Variants in DAAM1 observed in about 807,000 individuals in gnomAD.
DAAM1 encodes disheveled-associated activator of morphogenesis 1.
Under a neutral mutation model 130.0 loss-of-function variants are expected in DAAM1, and 52 were observed. That is an observed-to-expected ratio of 0.40 (90% CI 0.32 to 0.50). DAAM1 has a LOEUF of 0.50. DAAM1 is among the 20% of genes least tolerant of loss of function. The pLI is 0.61. For missense variants in DAAM1, 1,134 were observed against 1,303.8 expected (o/e 0.87, Z 2.01); for synonymous variants, 452 against 444.5 (o/e 1.02, Z -0.21).
chr14:59,283,195 A>G (rs1883296245), intron 2 of DAAM1, among the ~76,000 whole-genome samples: 1 of 152,142 alleles, frequency 6.6e-6, no homozygotes, highest in Non-Finnish European at 1.5e-5. Context: ...TCTCACACAA[A>G]CCAAATGTTA....
intron 13 of DAAM1, 131 bp from the exon 14 acceptor site, chr14:59,331,078 G>A (rs1053598929): frequency 5.5e-6 from 8 of 1,451,204 alleles, no homozygotes; most frequent in Admixed American, 5.0e-5. Flanking sequence ...CGACTTTACC[G>A]ATCCTTTAAA....
chr14:59,334,576 T>C (rs1449563989), intron 15 of DAAM1, among the ~76,000 whole-genome samples: 1 of 152,146 alleles, frequency 6.6e-6, no homozygotes, highest in Non-Finnish European at 1.5e-5. Context: ...CCTGTATGCA[T>C]GCAACAGGAA....
At chr14:59,358,257 G>T (rs1886559906) in intron 20 of DAAM1, among the ~76,000 whole-genome samples, 1 of 152,162 alleles carries the variant, frequency 6.6e-6, no homozygotes, top group Non-Finnish European at 1.5e-5. Context: ...AGTGACAATG[G>T]GATCAGACCA....
chr14:59,191,596 C>T (rs554755014), intron 1 of DAAM1, among the ~76,000 whole-genome samples: 1 of 152,108 alleles, frequency 6.6e-6, no homozygotes, highest in Non-Finnish European at 1.5e-5. Context: ...AAAAGGCCTT[C>T]TATGTATTTG....
At chr14:59,319,963 T>G (rs1884946101) in intron 4 of DAAM1, among the ~76,000 whole-genome samples, 3 of 152,018 alleles carry the variant, frequency 2.0e-5, no homozygotes, top group Non-Finnish European at 4.4e-5. Context: ...ATATCCTGAT[T>G]TCTAAATGAT....
chr14:59,343,788 G>C (rs1885946674), intron 16 of DAAM1, among the ~76,000 whole-genome samples: 2 of 152,196 alleles, frequency 1.3e-5, no homozygotes, highest in African/African-American at 4.8e-5. Context: ...GAGTGAGTAG[G>C]ATATTTGCAG....
chr14:59,316,829 ATGAGAAGTTGCTTATT>A (rs1884812110), intron 4 of DAAM1, among the ~76,000 whole-genome samples: 1 of 152,236 alleles, frequency 6.6e-6, no homozygotes, highest in South Asian at 2.1e-4. Context: ...TTGTTATCTA[ATGAGAAGTTGCTTATT>A]TGTTAATGAA....
intron 1 of DAAM1, among the ~76,000 whole-genome samples, chr14:59,261,391 G>C (rs1240086851): frequency 1.3e-5 from 2 of 152,118 alleles, no homozygotes; most frequent in African/African-American, 4.8e-5. Flanking sequence ...TGTCATTCCT[G>C]GTACATAGTG....
Position 59,323,124 on chromosome 14 carries a change from G to C in DAAM1, c.673G>C (p.Glu225Gln). The C allele has an allele frequency of 6.2e-7, 1 of 1,613,666 alleles. No homozygotes were observed. Among genetic ancestry groups the C allele is most frequent in the Non-Finnish European group, 8.5e-7 (1 of 1,179,810 alleles). Residue 225 changes from glutamate to glutamine, a missense_variant, in exon 6 of 25, where the codon GAA (glutamate) becomes CAA (glutamine). Transcript: ENST00000360909. Reference protein sequence around the residue: ...ENIKTKVAVLEILGAVCLVPG... With the variant: ...ENIKTKVAVLQILGAVCLVPG... Reference sequence around the variant, plus strand: ...CATTAAAACGAAGGTGGCCGTGCTGGAAATCTTGGGCGCCGTGTGCCTGGT... The same window carrying C: ...CATTAAAACGAAGGTGGCCGTGCTGCAAATCTTGGGCGCCGTGTGCCTGGT...
At chr14:59,357,478 A>C (rs1241728573) in intron 20 of DAAM1, 1 of 152,380 alleles carries the variant, frequency 6.6e-6, no homozygotes, top group Admixed American at 6.5e-5. Context: ...GGTTCTGTGA[A>C]GAGCAAAATT....
intron 2 of DAAM1, among the ~76,000 whole-genome samples, chr14:59,281,255 G>A (rs1023894726): frequency 3.9e-5 from 6 of 152,126 alleles, no homozygotes; most frequent in African/African-American, 1.2e-4. Context: ...GCTCAGAAAG[G>A]CACCAACTCA....
At chr14:59,345,916 A>G (rs918758152) in intron 16 of DAAM1, among the ~76,000 whole-genome samples, 4 of 152,208 alleles carry the variant, frequency 2.6e-5, no homozygotes, top group African/African-American at 9.6e-5. Context: ...AGTGATCATA[A>G]TTACCATACT....
At chr14:59,313,932 T>A (rs1884688877) in intron 3 of DAAM1, among the ~76,000 whole-genome samples, 1 of 152,240 alleles carries the variant, frequency 6.6e-6, no homozygotes, top group African/African-American at 2.4e-5. Context: ...CAGATGAAAT[T>A]CACACAACTG....
At chr14:59,342,013 G>A (rs1322012146) in intron 16 of DAAM1, among the ~76,000 whole-genome samples, 2 of 152,016 alleles carry the variant, frequency 1.3e-5, no homozygotes, top group Non-Finnish European at 2.9e-5. Flanking sequence ...ATCTCTTTCT[G>A]GCAAATTTCC....
At chr14:59,281,597 T>A (rs1164748595) in intron 2 of DAAM1, among the ~76,000 whole-genome samples, 1 of 152,008 alleles carries the variant, frequency 6.6e-6, no homozygotes, top group African/African-American at 2.4e-5. Flanking sequence ...AAGGGACCTT[T>A]ACCTGCTAAG....
intron 2 of DAAM1, among the ~76,000 whole-genome samples, chr14:59,290,630 T>C (rs537715623): frequency 3.7e-4 from 57 of 152,350 alleles, no homozygotes; most frequent in Admixed American, 5.9e-4. Context: ...CTCCTTACTC[T>C]GGCATTTAAA....
At chr14:59,337,174 A>T (rs1442914818) in intron 15 of DAAM1, among the ~76,000 whole-genome samples, 2 of 152,178 alleles carry the variant, frequency 1.3e-5, no homozygotes, top group Non-Finnish European at 2.9e-5. Flanking sequence ...GGTTAAGATG[A>T]CTTCATGGAG....
At chr14:59,288,832 GGAGAGA>G (rs58762540) in intron 2 of DAAM1, among the ~76,000 whole-genome samples, 50 of 143,970 alleles carry the variant, frequency 3.5e-4, no homozygotes, top group South Asian at 1.1e-3. Context: ...TGTGATAGCA[GGAGAGA>G]GAGAGAGAGA....
At chr14:59,367,717 T>G in intron 24 of DAAM1, 118 bp downstream of exon 24, 63 of 1,333,172 alleles carry the variant, frequency 4.7e-5, no homozygotes, top group Non-Finnish European at 5.7e-5. Context: ...ATGTACTCTC[T>G]AGAATGCTGT....
Sources: allele counts gnomAD v4.1 joint callset (sites outside exome capture counted in the v4.1 genomes callset), GRCh38; gene constraint gnomAD v4.1.1; transcripts MANE v1.5; gene names NCBI Gene and HGNC (gene_info 2026-07-23, HGNC 2026-07-21).